Variants in KCNQ5 observed in about 807,000 individuals in gnomAD.
KCNQ5 encodes the protein potassium voltage-gated channel subfamily Q member 5, also known as potassium voltage-gated channel subfamily KQT member 5.
In KCNQ5, 30 loss-of-function variants were observed where a neutral mutation model predicts 98.2. That is an observed-to-expected ratio of 0.31 (90% CI 0.23 to 0.41). KCNQ5 has a LOEUF of 0.41. KCNQ5 is among the 10% of genes least tolerant of loss of function. KCNQ5 has a pLI of 1.00. For synonymous variants in KCNQ5, 458 were observed against 449.4 expected (o/e 1.02, Z -0.24); for missense variants, 835 against 1,182.5 (o/e 0.71, Z 4.31).
At chr6:72,820,090 A>G (rs565860971) in intron 1 of KCNQ5, among the ~76,000 whole-genome samples, 1 of 152,186 alleles carries the variant, frequency 6.6e-6, no homozygotes, top group Non-Finnish European at 1.5e-5. Flanking sequence ...GTGTAGGCCC[A>G]TTAAGGACAG....
At chr6:72,636,154 G>A (rs533399619) in intron 1 of KCNQ5, among the ~76,000 whole-genome samples, 3 of 152,192 alleles carry the variant, frequency 2.0e-5, no homozygotes, top group East Asian at 3.9e-4. Context: ...AAATAAATTA[G>A]AAATTAGTTT....
intron 1 of KCNQ5, among the ~76,000 whole-genome samples, chr6:72,951,567 G>C (rs1450565948): frequency 6.6e-6 from 1 of 151,800 alleles, no homozygotes; most frequent in African/African-American, 2.4e-5. Flanking sequence ...ACGGGTGTGA[G>C]CCACTGTTCC....
intron 1 of KCNQ5, among the ~76,000 whole-genome samples, chr6:72,697,743 T>C (rs1213600004): frequency 2.0e-5 from 3 of 152,228 alleles, no homozygotes; most frequent in Non-Finnish European, 2.9e-5. Context: ...TGTTATATTG[T>C]TTTATTAAAA....
intron 10 of KCNQ5, chr6:73,143,494 C>T (rs528982055): frequency 1.3e-5 from 2 of 152,352 alleles, no homozygotes; most frequent in African/African-American, 2.4e-5. Context: ...ATTCCTCCCA[C>T]TGTTTCTTTT....
At chr6:72,702,818 A>G (rs996924548) in intron 1 of KCNQ5, among the ~76,000 whole-genome samples, 29 of 152,202 alleles carry the variant, frequency 1.9e-4, no homozygotes, top group African/African-American at 6.8e-4. Flanking sequence ...ATTCAGATAA[A>G]AAGAAATCAT....
intron 1 of KCNQ5, among the ~76,000 whole-genome samples, chr6:72,623,251 C>T (rs2098916378): frequency 6.6e-6 from 1 of 152,150 alleles, no homozygotes; most frequent in African/African-American, 2.4e-5. Context: ...AACGCTCCCG[C>T]GCTGCAGGGG....
intron 1 of KCNQ5, among the ~76,000 whole-genome samples, chr6:72,790,655 T>G (rs1034318040): frequency 1.3e-5 from 2 of 152,120 alleles, no homozygotes; most frequent in African/African-American, 2.4e-5. Flanking sequence ...TAAAAATAAC[T>G]AAAATAACAT....
intron 1 of KCNQ5, among the ~76,000 whole-genome samples, chr6:72,730,756 T>A (rs1770514553): frequency 1.3e-5 from 2 of 152,204 alleles, no homozygotes; most frequent in South Asian, 4.1e-4. Flanking sequence ...CATTCTTCAT[T>A]ACACTTTTTT....
chr6:73,198,046 TTCTG>T lies in KCNQ5; in HGVS notation c.*2639_*2642del, dbSNP rs1765861013. 6.6e-6 allele frequency: 1 copy of T among 152,156 alleles called. No individual in the cohort carries two copies. The highest frequency in any genetic ancestry group is 6.5e-5 in the Admixed American group (1 of 15,274). The allele number at this position is 152,156 out of a possible 1,614,324, so 9.4% of individuals were successfully genotyped here. A position where few individuals can be genotyped will look rare whatever the true frequency, so the allele number is the denominator to read the frequency against. On this transcript the variant is annotated 3_prime_UTR_variant, in exon 14 of 14. Transcript: ENST00000370398. ...AGATAGTTGTGTGGAAGCTATAAGG[TTCTG>T]TCTGTCGTGTTACTCTCTGTGGAAA...
intron 3 of KCNQ5, 162 bp downstream of exon 3, chr6:73,042,224 G>A: frequency 1.3e-6 from 1 of 765,364 alleles, no homozygotes; most frequent in South Asian, 1.5e-5. Flanking sequence ...ATTTGATGTT[G>A]TCTCCACAGC....
intron 10 of KCNQ5, among the ~76,000 whole-genome samples, chr6:73,164,900 A>C (rs1229949295): frequency 6.6e-6 from 1 of 152,172 alleles, no homozygotes; most frequent in Non-Finnish European, 1.5e-5. Flanking sequence ...CCTCTCATTC[A>C]GTTTCAGATG....
At chr6:72,715,619 A>G (rs892241214) in intron 1 of KCNQ5, among the ~76,000 whole-genome samples, 4 of 152,214 alleles carry the variant, frequency 2.6e-5, no homozygotes, top group Non-Finnish European at 5.9e-5. Flanking sequence ...TCACTGAAAC[A>G]AAAAAGATGG....
intron 1 of KCNQ5, among the ~76,000 whole-genome samples, chr6:72,810,027 C>T (rs1775167819): frequency 6.6e-6 from 1 of 152,168 alleles, no homozygotes; most frequent in South Asian, 2.1e-4. Context: ...TGATAAAAGG[C>T]ATCTCCCGAC....
At chr6:72,901,026 T>G (rs1779481954) in intron 1 of KCNQ5, among the ~76,000 whole-genome samples, 1 of 152,082 alleles carries the variant, frequency 6.6e-6, no homozygotes, top group Non-Finnish European at 1.5e-5. Context: ...GTGCACAACA[T>G]GCAGGTTTGT....
At chr6:73,141,320 G>A (rs1385740594) in intron 10 of KCNQ5, among the ~76,000 whole-genome samples, 1 of 152,194 alleles carries the variant, frequency 6.6e-6, no homozygotes, top group Non-Finnish European at 1.5e-5. Flanking sequence ...TTGAGGGTTA[G>A]GGATTTAACA....
At chr6:73,068,426 T>C (rs990361461) in intron 3 of KCNQ5, among the ~76,000 whole-genome samples, 3 of 152,218 alleles carry the variant, frequency 2.0e-5, no homozygotes, top group African/African-American at 7.2e-5. Flanking sequence ...TTCTAAGACA[T>C]AATGTTTTGT....
At chr6:72,838,965 A>G (rs915108681) in intron 1 of KCNQ5, among the ~76,000 whole-genome samples, 66 of 150,532 alleles carry the variant, frequency 4.4e-4, no homozygotes, top group African/African-American at 1.5e-3. Flanking sequence ...AAAAAAAAAA[A>G]AAAAAAAGAA....
chr6:73,066,139 C>T (rs914174265), intron 3 of KCNQ5, among the ~76,000 whole-genome samples: 1 of 152,014 alleles, frequency 6.6e-6, no homozygotes, highest in Admixed American at 6.5e-5. Flanking sequence ...GAGACTGTCT[C>T]AAAAATAAAA....
chr6:73,133,919 A>G (rs1776347489), intron 10 of KCNQ5: 1 of 562,530 alleles, frequency 1.8e-6, no homozygotes. Flanking sequence ...TTTATTTCTC[A>G]GACAAGGGCC....
Sources: gnomAD v4.1 joint callset for allele counts (sites outside exome capture counted in the v4.1 genomes callset) on GRCh38, gnomAD v4.1.1 for gene constraint, MANE v1.5 for transcripts, NCBI Gene and HGNC (gene_info 2026-07-23, HGNC 2026-07-21) for gene names.